NLGN1: variants seen among roughly 807,000 people sequenced by gnomAD.
NLGN1 encodes neuroligin 1.
In NLGN1, 12 loss-of-function variants were observed where a neutral mutation model predicts 65.5. The ratio of observed to expected loss-of-function variants is 0.18; its 90% CI spans 0.12 to 0.30. The LOEUF (loss-of-function observed/expected upper bound fraction) is 0.30. NLGN1 is among the 10% of genes least tolerant of loss of function. NLGN1 has a pLI of 1.00. For missense variants in NLGN1, 750 were observed against 1,007.1 expected (o/e 0.74, Z 3.46); for synonymous variants, 350 against 359.5 (o/e 0.97, Z 0.30).
intron 4 of NLGN1, among the ~76,000 whole-genome samples, chr3:174,231,345 G>A (rs1740666282): frequency 6.6e-6 from 1 of 152,172 alleles, no homozygotes; most frequent in South Asian, 2.1e-4. Context: ...GTGACCTACA[G>A]GAATTGGAAG....
chr3:174,283,625 A>AG (rs1175994771), exon 7 of NLGN1: 1 of 151,422 alleles, frequency 6.6e-6, no homozygotes, highest in Non-Finnish European at 1.5e-5. Context: ...AAAAGATAAA[A>AG]ATCTATTTCA....
rs139835670 is a variant in NLGN1, at chr3:174,088,823, T to G, written c.647-186492T>G. Among the ~76,000 whole-genome samples the G allele has an allele frequency of 7.4e-3, 1,129 of 151,742 alleles. 9 individuals carry two copies. Among genetic ancestry groups the G allele is most frequent in the Non-Finnish European group, 0.012 (840 of 67,902 alleles). Reference sequence around the variant, plus strand: ...AAATAAATAAAACTAGATTATTTTTTACTTCTTAAAAATCAACAAGGATCC... The same window carrying G: ...AAATAAATAAAACTAGATTATTTTTGACTTCTTAAAAATCAACAAGGATCC... On this transcript the variant is annotated intron_variant, in intron 4 of 6. Transcript: ENST00000457714.
intron 4 of NLGN1, among the ~76,000 whole-genome samples, chr3:173,898,774 C>T (rs1462934319): frequency 6.6e-6 from 1 of 152,086 alleles, no homozygotes; most frequent in Non-Finnish European, 1.5e-5. Context: ...CAAATATTCC[C>T]TGTAATAAAT....
chr3:174,091,146 G>T (rs1744437661), intron 4 of NLGN1, among the ~76,000 whole-genome samples: 3 of 152,154 alleles, frequency 2.0e-5, no homozygotes, highest in Non-Finnish European at 4.4e-5. Context: ...ACCTGGAGTT[G>T]TAAAATCAAG....
At chr3:174,248,760 C>CA (rs918294477) in intron 4 of NLGN1, among the ~76,000 whole-genome samples, 1 of 151,042 alleles carries the variant, frequency 6.6e-6, no homozygotes, top group African/African-American at 2.4e-5. Context: ...AACTCTGCCT[C>CA]AAAAAAATAA....
At chr3:174,257,739 T>TATATATA (rs1358144371) in intron 4 of NLGN1, among the ~76,000 whole-genome samples, 6 of 150,884 alleles carry the variant, frequency 4.0e-5, no homozygotes, top group South Asian at 4.2e-4. Context: ...ATATATATAT[T>TATATATA]TATTCAGCTT....
At chr3:174,216,259 G>C (rs1330960177) in intron 4 of NLGN1, among the ~76,000 whole-genome samples, 2 of 152,062 alleles carry the variant, frequency 1.3e-5, no homozygotes, top group Non-Finnish European at 2.9e-5. Context: ...GGTTTTCATT[G>C]TAAGGACAAA....
At chr3:174,100,367 A>C (rs1712140922) in intron 4 of NLGN1, among the ~76,000 whole-genome samples, 1 of 152,152 alleles carries the variant, frequency 6.6e-6, no homozygotes, top group African/African-American at 2.4e-5. Flanking sequence ...CAATTTAATT[A>C]AACATATTTT....
intron 2 of NLGN1, among the ~76,000 whole-genome samples, chr3:173,455,640 T>TA (rs200874902): frequency 4.0e-5 from 6 of 151,686 alleles, no homozygotes; most frequent in South Asian, 2.1e-4. Context: ...TTTCAATTTA[T>TA]AAAAAAAATG....
Position 174,017,987 on chromosome 3 carries a change from C to T in NLGN1, c.646+210155C>T, listed in dbSNP as rs563857753. Among the ~76,000 whole-genome samples the T allele has an allele frequency of 2.2e-4, 34 of 152,104 alleles. No homozygotes were observed. The South Asian group carries it at 2.9e-3, about 13-fold the overall frequency. On this transcript the variant is annotated intron_variant, in intron 4 of 6. Transcript: ENST00000457714. ...TAGGCCTGGGAGTGCTACGGGAGAC[C>T]GGGGCTTATTTCATCCCTTATCTGC...
At chr3:173,711,508 A>G (rs1414862667) in intron 3 of NLGN1, among the ~76,000 whole-genome samples, 1 of 152,192 alleles carries the variant, frequency 6.6e-6, no homozygotes, top group African/African-American at 2.4e-5. Flanking sequence ...ATGATGGTTT[A>G]TAACAGTGTC....
At chr3:174,166,038 A>G (rs755859553) in intron 4 of NLGN1, among the ~76,000 whole-genome samples, 5 of 151,944 alleles carry the variant, frequency 3.3e-5, no homozygotes, top group Non-Finnish European at 5.9e-5. Context: ...GATTGGTTAT[A>G]ATGCCACGTT....
intron 4 of NLGN1, among the ~76,000 whole-genome samples, chr3:173,829,167 C>T (rs1721963118): frequency 6.6e-6 from 1 of 152,050 alleles, no homozygotes; most frequent in South Asian, 2.1e-4. Flanking sequence ...TGTTCTCAGT[C>T]ACTGCAAGAG....
At chr3:174,278,787 A>C in intron 5 of NLGN1, 74 bp from the exon 6 acceptor site, 1 of 1,198,828 alleles carries the variant, frequency 8.3e-7, no homozygotes, top group Non-Finnish European at 1.1e-6. Flanking sequence ...TACATGTCTA[A>C]AATATCAGAT....
chr3:174,254,306 A>ATTTTTTTTTTTTT (rs371427726), intron 4 of NLGN1, among the ~76,000 whole-genome samples: 12 of 113,750 alleles, frequency 1.1e-4, no homozygotes, highest in East Asian at 2.4e-4. Context: ...GTCCTTTTTA[A>ATTTTTTTTTTTTT]TTTTTTTTTT....
chr3:173,728,489 A>G (rs1350263347), intron 3 of NLGN1, among the ~76,000 whole-genome samples: 1 of 152,012 alleles, frequency 6.6e-6, no homozygotes, highest in Non-Finnish European at 1.5e-5. Flanking sequence ...GAATGGGCTA[A>G]ATATCTATAG....
chr3:174,194,957 G>T (rs1733142977), intron 4 of NLGN1, among the ~76,000 whole-genome samples: 1 of 151,752 alleles, frequency 6.6e-6, no homozygotes, highest in Admixed American at 6.6e-5. Flanking sequence ...CGCCTCCCGG[G>T]TTCAAGTGAT....
intron 3 of NLGN1, among the ~76,000 whole-genome samples, chr3:173,670,766 CTTCTAGCATAAAACGATGT>C (rs1762338602): frequency 6.6e-6 from 1 of 152,102 alleles, no homozygotes; most frequent in Non-Finnish European, 1.5e-5. Context: ...CAATTTTTAG[CTTCTAGCATAAAACGATGT>C]TTATCATTAG....
At chr3:174,143,262 T>C (rs1722626429) in intron 4 of NLGN1, among the ~76,000 whole-genome samples, 1 of 152,128 alleles carries the variant, frequency 6.6e-6, no homozygotes, top group South Asian at 2.1e-4. Flanking sequence ...TAATAAGGAA[T>C]TTATGGGCTA....
Sources: allele counts gnomAD v4.1 joint callset (sites outside exome capture counted in the v4.1 genomes callset), GRCh38; gene constraint gnomAD v4.1.1; transcripts MANE v1.5; gene names NCBI Gene and HGNC (gene_info 2026-07-23, HGNC 2026-07-21).